NAV1: variants seen among roughly 807,000 people sequenced by gnomAD.
NAV1 encodes the protein pore membrane and/or filament interacting like protein 3.
A neutral mutation model predicts 175.2 loss-of-function variants in NAV1; 18 were observed. That is an observed-to-expected ratio of 0.10 (90% CI 0.07 to 0.15). NAV1 has a LOEUF of 0.15. Among genes scored for constraint, NAV1 ranks in the 10% least tolerant of loss-of-function variants. NAV1 has a pLI of 1.00. For missense variants in NAV1, 1,731 were observed against 2,436.6 expected (o/e 0.71, Z 6.10); for synonymous variants, 897 against 978.7 (o/e 0.92, Z 1.56).
chr1:201,556,113 C>T (rs572266246), intron 1 of NAV1, among the ~76,000 whole-genome samples: 5 of 152,222 alleles, frequency 3.3e-5, no homozygotes, highest in Admixed American at 1.3e-4. Context: ...AACAGTATAA[C>T]GCTCTTTTAT....
At chr1:201,657,188 T>A (rs1449062224) in intron 1 of NAV1, among the ~76,000 whole-genome samples, 13 of 152,246 alleles carry the variant, frequency 8.5e-5, no homozygotes, top group Non-Finnish European at 1.8e-4. Flanking sequence ...TGAAAGTCAT[T>A]GTTCTTGTTC....
chr1:201,819,141 T>G (rs1352753409), intron 29 of NAV1, among the ~76,000 whole-genome samples: 1 of 152,238 alleles, frequency 6.6e-6, no homozygotes, highest in Non-Finnish European at 1.5e-5. Flanking sequence ...TGCTGGTTTA[T>G]ACTCTATTGG....
intron 1 of NAV1, among the ~76,000 whole-genome samples, chr1:201,579,891 T>G (rs887577956): frequency 2.2e-4 from 34 of 152,222 alleles, no homozygotes; most frequent in African/African-American, 8.0e-4. Flanking sequence ...ATAGGCTGTC[T>G]GTAGGCTGAA....
intron 2 of NAV1, among the ~76,000 whole-genome samples, chr1:201,593,082 G>A (rs368987058): frequency 6.6e-6 from 1 of 152,174 alleles, no homozygotes; most frequent in African/African-American, 2.4e-5. Context: ...AAGCAGTGTT[G>A]CCCCATCTGG....
intron 1 of NAV1, among the ~76,000 whole-genome samples, chr1:201,560,209 A>C (rs1042337423): frequency 1.3e-5 from 2 of 152,104 alleles, no homozygotes; most frequent in Admixed American, 1.3e-4. Flanking sequence ...GCTTTCTCTC[A>C]TGTAACTTTC....
chr1:201,549,645 G>A (rs925921365), intron 1 of NAV1, among the ~76,000 whole-genome samples: 1 of 151,576 alleles, frequency 6.6e-6, no homozygotes, highest in Non-Finnish European at 1.5e-5. Flanking sequence ...TTTAAGCAGA[G>A]CTCAATATAC....
At chr1:201,571,927 T>C (rs756483947) in intron 1 of NAV1, among the ~76,000 whole-genome samples, 1 of 152,200 alleles carries the variant, frequency 6.6e-6, no homozygotes, top group Non-Finnish European at 1.5e-5. Context: ...GGTATAACCA[T>C]CTATTAATAG....
chr1:201,664,734 G>A (rs962653115), intron 1 of NAV1, among the ~76,000 whole-genome samples: 1 of 152,232 alleles, frequency 6.6e-6, no homozygotes, highest in African/African-American at 2.4e-5. Context: ...TCCCATTTTA[G>A]TGGAGGAGAT....
rs1370221405 is a variant in NAV1 at position 201,539,876 on chromosome 1, T to A, written c.-144+534T>A. Among the ~76,000 whole-genome samples, 1 of 152,140 alleles carries A rather than the reference T, an allele frequency of 6.6e-6. No homozygotes were observed. Among genetic ancestry groups the A allele is most frequent in the Non-Finnish European group, 1.5e-5 (1 of 68,012 alleles). The stretch of plus-strand genomic sequence containing the variant: ...GAAAACGTTCCCCGCACCCCCGGGA[T>A]GCGCCGGGAAGCGCCCTCCCGCCAA... On this transcript the variant is annotated intron_variant, in intron 1 of 33. Coordinates refer to the NAV1 transcript ENST00000685211. The surrounding 1 kb of genome is among the most constrained non-coding windows in gnomAD (Gnocchi z 5.6).
At chr1:201,672,311 T>C (rs2102380964) in intron 1 of NAV1, among the ~76,000 whole-genome samples, 1 of 152,338 alleles carries the variant, frequency 6.6e-6, no homozygotes, top group South Asian at 2.1e-4. Context: ...TTTTTTCAAT[T>C]GCTGGTTGCA....
intron 3 of NAV1, among the ~76,000 whole-genome samples, chr1:201,736,084 C>A (rs1219223510): frequency 2.0e-5 from 3 of 152,176 alleles, no homozygotes; most frequent in African/African-American, 7.2e-5. Flanking sequence ...AGTCACAGGC[C>A]CAGCTATCAC....
chr1:201,734,561 T>C (rs1288023122), intron 3 of NAV1, among the ~76,000 whole-genome samples: 1 of 135,324 alleles, frequency 7.4e-6, no homozygotes, highest in African/African-American at 2.8e-5. Flanking sequence ...CAATACATTG[T>C]ATGAGGTTTC....
intron 1 of NAV1, among the ~76,000 whole-genome samples, chr1:201,667,247 AT>A (rs1489656528): frequency 1.3e-5 from 2 of 152,226 alleles, no homozygotes; most frequent in Non-Finnish European, 2.9e-5. Context: ...CTAAAGTTTA[AT>A]TAAGCCATCC....
intron 1 of NAV1, among the ~76,000 whole-genome samples, chr1:201,665,027 C>T (rs116201986): frequency 0.017 from 2,513 of 152,284 alleles, 24 homozygotes; most frequent in South Asian, 0.026. Flanking sequence ...CTCTAAACAC[C>T]GCCCAGATTG....
chr1:201,596,300 G>A (rs562883554), intron 2 of NAV1, among the ~76,000 whole-genome samples: 34 of 152,318 alleles, frequency 2.2e-4, no homozygotes, highest in Non-Finnish European at 4.7e-4. Flanking sequence ...GGGCACCTTC[G>A]TGTATCTCTC....
chr1:201,625,451 T>G (rs1204636006), intron 1 of NAV1, among the ~76,000 whole-genome samples: 1 of 152,218 alleles, frequency 6.6e-6, no homozygotes, highest in Non-Finnish European at 1.5e-5. Context: ...GAATTCTGAC[T>G]TCACAGCCAA....
intron 3 of NAV1, chr1:201,737,473 A>G (rs1673164707): frequency 6.6e-6 from 1 of 152,156 alleles, no homozygotes; most frequent in African/African-American, 2.4e-5. Flanking sequence ...CTCTCCCCTG[A>G]GCTGAGCTAC....
At chr1:201,652,674 G>A (rs1422441202) in intron 1 of NAV1, among the ~76,000 whole-genome samples, 1 of 152,202 alleles carries the variant, frequency 6.6e-6, no homozygotes, top group East Asian at 1.9e-4. Flanking sequence ...GTGAATGGAA[G>A]AGACCCTCCC....
intron 1 of NAV1, among the ~76,000 whole-genome samples, chr1:201,578,064 T>C (rs1027126888): frequency 6.6e-6 from 1 of 152,184 alleles, no homozygotes; most frequent in Non-Finnish European, 1.5e-5. Context: ...TATTTTTTCT[T>C]GGAGTACTTT....
Sources: allele counts gnomAD v4.1 joint callset (sites outside exome capture counted in the v4.1 genomes callset), GRCh38; gene constraint gnomAD v4.1.1; non-coding constraint Gnocchi (gnomAD v3.1); transcripts MANE v1.5; gene names NCBI Gene and HGNC (gene_info 2026-07-23, HGNC 2026-07-21).